The following STK38L variants were observed in gnomAD, a reference collection of about 807,000 sequenced individuals.
STK38L encodes serine/threonine-protein kinase 38-like.
Under a neutral mutation model 59.7 loss-of-function variants are expected in STK38L, and 28 were observed. The observed-to-expected ratio is 0.47, with a 90% CI of 0.35 to 0.64. The LOEUF (loss-of-function observed/expected upper bound fraction) is 0.64. Ranked by LOEUF, STK38L falls within the 30% of genes least tolerant of loss-of-function variation. STK38L has a pLI of 0.01. For missense variants in STK38L, 314 were observed against 555.8 expected (o/e 0.56, Z 4.37); for synonymous variants, 162 against 176.8 (o/e 0.92, Z 0.66).
Position 27,262,559 on chromosome 12 carries a change from G to A in STK38L, c.-12+18227G>A, listed in dbSNP as rs549459128. 9.9e-5 allele frequency among the ~76,000 whole-genome samples: 15 copies of A among 152,036 alleles called. No individual in the cohort carries two copies. In the South Asian group the frequency reaches 2.9e-3, roughly 29 times the overall value. On this transcript the variant is annotated intron_variant, in intron 1 of 13. Transcript: ENST00000389032. ...AATTTTAGAATAATATGGGTAAACA[G>A]CCAGGTGCAGTGGCTCACACCTGTA...
intron 1 of STK38L, among the ~76,000 whole-genome samples, chr12:27,263,496 T>A (rs1233387213): frequency 6.6e-6 from 1 of 152,228 alleles, no homozygotes; most frequent in Non-Finnish European, 1.5e-5. Context: ...ACCCCAGTGA[T>A]GAATCGCAAG....
Position 27,308,423 on chromosome 12 carries a change from G to C in STK38L, c.271G>C (p.Glu91Gln). 1 of 1,597,828 alleles carries C rather than the reference G, an allele frequency of 6.3e-7. No individual in the cohort carries two copies. The highest frequency in any genetic ancestry group is 8.5e-7 in the Non-Finnish European group (1 of 1,170,598). The change falls in exon 4 of 14, where the codon GAG becomes CAG. Residue 91 changes from glutamate (E) to glutamine (Q), a missense_variant. By Grantham distance (29) the Glu-to-Gln change is conservative. Around this residue, in one of 3 missense-constraint regions of STK38L, gnomAD observed 192 missense variants for 316.9 expected, o/e 0.61. Transcript: ENST00000389032. The surrounding 1 kb of genome is among the most constrained non-coding windows in gnomAD (Gnocchi z 4.5). The part of the protein sequence containing the change: ...KRTRLGLDDF[E>Q]SLKVIGRGAF... ...GACCAGACTTGGCTTGGATGACTTT[G>C]AGTCTCTGAAAGTTATAGGAAGAGG...
intron 1 of STK38L, among the ~76,000 whole-genome samples, chr12:27,259,673 C>T (rs761510488): frequency 6.6e-6 from 1 of 152,036 alleles, no homozygotes; most frequent in Non-Finnish European, 1.5e-5. Context: ...GTATTAACTA[C>T]ACCATTTACC....
intron 1 of STK38L, among the ~76,000 whole-genome samples, chr12:27,251,104 C>A (rs1942966549): frequency 6.6e-6 from 1 of 152,022 alleles, no homozygotes; most frequent in African/African-American, 2.4e-5. Flanking sequence ...AATTTACCTC[C>A]CTCTTCTAGT....
At chr12:27,259,258 A>G (rs1244501473) in intron 1 of STK38L, among the ~76,000 whole-genome samples, 2 of 152,168 alleles carry the variant, frequency 1.3e-5, no homozygotes, top group Non-Finnish European at 2.9e-5. Flanking sequence ...AAGATGGAGT[A>G]CTTTGTCTCC....
At chr12:27,314,401 C>CAAA (rs35096255) in intron 6 of STK38L, 103 bp from the exon 7 acceptor site, 3,750 of 674,354 alleles carry the variant, frequency 5.6e-3, no homozygotes, top group Non-Finnish European at 6.2e-3. Flanking sequence ...ACTCTGTCTC[C>CAAA]AAAAAAAAAA....
chr12:27,281,846 C>T (rs754850662), intron 1 of STK38L, among the ~76,000 whole-genome samples: 2 of 152,018 alleles, frequency 1.3e-5, no homozygotes, highest in Admixed American at 6.5e-5. Flanking sequence ...ACCACCCTGG[C>T]CAACATGGTG....
rs1241094853 is a variant in STK38L, at chr12:27,288,977, A to T, written c.-11-8733A>T. Among the ~76,000 whole-genome samples, 3 of 151,786 alleles carry T rather than the reference A, an allele frequency of 2.0e-5. No individual in the cohort carries two copies. In the East Asian group the frequency reaches 5.8e-4, roughly 29 times the overall value. On this transcript the variant is annotated intron_variant, in intron 1 of 13. Transcript: ENST00000389032. Reference sequence around the variant, plus strand: ...AAACTGATTTAAAATTCTTTTAGGGATGCCCATACTATCTAAAAGTTGGCA... The same window carrying T: ...AAACTGATTTAAAATTCTTTTAGGGTTGCCCATACTATCTAAAAGTTGGCA...
chr12:27,245,227 A>G (rs1345695912), intron 1 of STK38L, among the ~76,000 whole-genome samples: 1 of 152,144 alleles, frequency 6.6e-6, no homozygotes, highest in Non-Finnish European at 1.5e-5. Flanking sequence ...GTAGGATGCT[A>G]TTGTTTCTCA....
intron 2 of STK38L, 26 bp from the exon 3 acceptor site, chr12:27,302,111 A>C: frequency 6.3e-7 from 1 of 1,587,750 alleles, no homozygotes; most frequent in Non-Finnish European, 8.6e-7. Context: ...TGTATTTAAA[A>C]TTTAATTTTT....
intron 2 of STK38L, among the ~76,000 whole-genome samples, chr12:27,301,739 A>G (rs915610752): frequency 6.6e-6 from 1 of 152,222 alleles, no homozygotes; most frequent in Non-Finnish European, 1.5e-5. Flanking sequence ...AGAACCAGGG[A>G]TATTTACCTT....
chr12:27,305,209 C>T (rs1472926267), intron 3 of STK38L, among the ~76,000 whole-genome samples: 2 of 152,228 alleles, frequency 1.3e-5, no homozygotes, highest in Non-Finnish European at 1.5e-5. Context: ...TTTTGAAAAA[C>T]AACTTGCAGT....
chr12:27,263,305 G>A (rs1211795383), intron 1 of STK38L, among the ~76,000 whole-genome samples: 1 of 152,192 alleles, frequency 6.6e-6, no homozygotes, highest in African/African-American at 2.4e-5. Context: ...CCAAGGCTCA[G>A]TGAGATTTGG....
chr12:27,289,344 C>T (rs1943846687), intron 1 of STK38L, among the ~76,000 whole-genome samples: 2 of 152,024 alleles, frequency 1.3e-5, no homozygotes, highest in Non-Finnish European at 2.9e-5. Context: ...TTCCCCTTCT[C>T]ATTGCAAGTT....
chr12:27,274,060 C>T (rs533404564), intron 1 of STK38L, among the ~76,000 whole-genome samples: 10 of 152,032 alleles, frequency 6.6e-5, no homozygotes, highest in Non-Finnish European at 1.2e-4. Context: ...TGAGACCATC[C>T]TGGCCAACAT....
At chr12:27,244,731 G>A (rs754172690) in intron 1 of STK38L, among the ~76,000 whole-genome samples, 1 of 152,178 alleles carries the variant, frequency 6.6e-6, no homozygotes, top group Non-Finnish European at 1.5e-5. Context: ...CCAGAGCCAG[G>A]ATCCGAAGCA....
intron 12 of STK38L, among the ~76,000 whole-genome samples, chr12:27,321,009 GTTC>G (rs1189982513): frequency 1.3e-5 from 2 of 152,086 alleles, no homozygotes; most frequent in Non-Finnish European, 2.9e-5. Context: ...GAGACTGCCA[GTTC>G]TTTTGGTTTT....
intron 1 of STK38L, among the ~76,000 whole-genome samples, chr12:27,251,428 A>G (rs930698396): frequency 7.9e-5 from 12 of 152,182 alleles, no homozygotes; most frequent in African/African-American, 2.9e-4. Flanking sequence ...ACCTATTTTC[A>G]GGTAAAGAGA....
intron 7 of STK38L, 61 bp downstream of exon 7, chr12:27,314,719 AT>A: frequency 6.7e-7 from 1 of 1,502,644 alleles, no homozygotes; most frequent in Admixed American, 2.4e-5. Context: ...AGTAGGGCTG[AT>A]TTTGTGAATG....
Sources: allele counts gnomAD v4.1 joint callset (sites outside exome capture counted in the v4.1 genomes callset), GRCh38; gene constraint gnomAD v4.1.1; regional missense constraint gnomAD v4.1.1; non-coding constraint Gnocchi (gnomAD v3.1); transcripts MANE v1.5; gene names NCBI Gene and HGNC (gene_info 2026-07-23, HGNC 2026-07-21).